The following ZNF792 variants were observed in gnomAD, a reference collection of about 807,000 sequenced individuals.
ZNF792 encodes the protein zinc finger protein 792.
A neutral mutation model predicts 13.1 loss-of-function variants in ZNF792; 14 were observed. That is an observed-to-expected ratio of 1.07 (90% CI 0.71 to 1.67). The LOEUF is 1.67. Ranked by LOEUF, ZNF792 falls within the 40% of genes most tolerant of loss-of-function variation. The pLI is 0.00. For synonymous variants in ZNF792, 257 were observed against 292.0 expected (o/e 0.88, Z 1.22); for missense variants, 740 against 807.9 (o/e 0.92, Z 1.02).
At position 34,958,261 on chromosome 19, in the gene ZNF792, G is replaced by A. The variant is rs768051045; in HGVS notation, c.1594C>T (p.Arg532Trp). The A allele has an allele frequency of 7.1e-5, 115 of 1,612,448 alleles. No homozygotes were observed. Among genetic ancestry groups the A allele is most frequent in the East Asian group, 2.2e-4 (10 of 44,760 alleles). Residue 532 changes from arginine (R) to tryptophan (W), a missense_variant, in exon 4 of 4, where the codon CGG becomes TGG. By Grantham distance (101) the Arg-to-Trp change is moderately radical. Transcript: ENST00000404801. ...CCACATTCGCTGCACTCATAAGGCCGCTCGCCGGTGTGAAGTCTCCGGTGG... is the reference window on the plus strand; with the variant it reads ...CCACATTCGCTGCACTCATAAGGCCACTCGCCGGTGTGAAGTCTCCGGTGG... ...NNHRRLHTGERPYECSECGKT... is the reference protein window; with the variant it reads ...NNHRRLHTGEWPYECSECGKT...
intron 1 of ZNF792, among the ~76,000 whole-genome samples, chr19:34,962,046 C>T (rs1180773420): frequency 2.0e-5 from 3 of 152,214 alleles, no homozygotes; most frequent in African/African-American, 7.2e-5. Flanking sequence ...CTGTTCCTCA[C>T]CTGTCTTTAT....
intron 1 of ZNF792, among the ~76,000 whole-genome samples, chr19:34,963,177 C>T (rs2013552429): frequency 6.6e-6 from 1 of 152,124 alleles, no homozygotes; most frequent in South Asian, 2.1e-4. Context: ...CAGCATCTTC[C>T]TCCTCTGCCC....
Position 34,963,979 on chromosome 19 carries a change from T to C in ZNF792, c.-317A>G, listed in dbSNP as rs980180710. ...GGTCCGGGAAAGCCGGCGGGGCAGC[T>C]TCACGGGCGTAGCCCCAGCCGCCCC... On this transcript the variant is annotated 5_prime_UTR_variant, in exon 1 of 4. Coordinates refer to ENST00000404801, the MANE Select transcript of ZNF792 (RefSeq NM_175872.5). 1 of 344,908 alleles carries C rather than the reference T, an allele frequency of 2.9e-6. No individual in the cohort carries two copies. The highest frequency in any genetic ancestry group is 5.3e-6 in the Non-Finnish European group (1 of 190,302). 21.4% of individuals were successfully genotyped at this position (344,908 alleles called of 1,614,324 possible). A position where few individuals can be genotyped will look rare whatever the true frequency, so the allele number is the denominator to read the frequency against.
At position 34,958,606 on chromosome 19, in the gene ZNF792, T is replaced by C. The variant is rs778015098; in HGVS notation, c.1249A>G (p.Thr417Ala). The C allele has an allele frequency of 3.1e-6, 5 of 1,611,846 alleles. No individual in the cohort carries two copies. Among genetic ancestry groups the C allele is most frequent in the African/African-American group, 1.3e-5 (1 of 74,974 alleles). Residue 417 changes from threonine (T) to alanine (A), a missense_variant, in exon 4 of 4, where the codon ACT becomes GCT. By Grantham distance (58) the Thr-to-Ala change is moderately conservative. Transcript: ENST00000404801. ...TTACACTTGTAAGGTCTTTCTCCAG[T>C]GTGAACTCTCCAATGTTTAATTAGG... ...SSLIKHWRVH[T>A]GERPYKCNEC...
chr19:34,960,850 T>C lies in ZNF792; in HGVS notation c.160+18A>G. The C allele has an allele frequency of 1.9e-6, 3 of 1,613,746 alleles. No homozygotes were observed. The highest frequency in any genetic ancestry group is 2.5e-6 in the Non-Finnish European group (3 of 1,179,838). On this transcript the variant is annotated intron_variant, in intron 2 of 3. Coordinates refer to ENST00000404801, the MANE Select transcript of ZNF792 (RefSeq NM_175872.5). ...CAGAGAGGAGCTCGGGACACCGGGGTAGGGGTGACAGCCTTACCCAGCGAG... is the reference window on the plus strand; with the variant it reads ...CAGAGAGGAGCTCGGGACACCGGGGCAGGGGTGACAGCCTTACCCAGCGAG...
rs1452102243 is a variant in ZNF792, at chr19:34,959,531, C to T, written c.324G>A (p.Glu108=). 6.4e-7 allele frequency: 1 copy of T among 1,569,164 alleles called. No homozygotes were observed. The highest frequency in any genetic ancestry group is 1.2e-5 in the South Asian group (1 of 84,120). Residue 108 remains glutamate, a synonymous_variant, in exon 4 of 4, where the codon GAG becomes GAA. Coordinates refer to ENST00000404801, the MANE Select transcript of ZNF792 (RefSeq NM_175872.5). ...CCACTCCTTCTACAGAAACGTTATG[C>T]TCAGAAGGTAAGTCCTTGCCCTCTG... ...HGTEGKDLPS[E]HNVSVEGVAQ... is the part of the protein sequence containing the mutation.
chr19:34,963,578 G>C (rs146078646), intron 1 of ZNF792, 52 bp downstream of exon 1: 18,651 of 1,584,202 alleles, frequency 0.012, 173 homozygotes, highest in South Asian at 0.028. Flanking sequence ...TCAACACCGA[G>C]AACAGAAGCG....
chr19:34,956,741 T>C lies in ZNF792; in HGVS notation c.*1215A>G, dbSNP rs1034480065. The C allele has an allele frequency of 1.3e-5, 2 of 152,240 alleles. No individual in the cohort carries two copies. Among genetic ancestry groups the C allele is most frequent in the African/African-American group, 4.8e-5 (2 of 41,458 alleles). 9.4% of individuals were successfully genotyped at this position (152,240 alleles called of 1,614,324 possible). A position where few individuals can be genotyped will look rare whatever the true frequency, so the allele number is the denominator to read the frequency against. ...AAAGAATGGCTGGCTACGTCATAGA[T>C]ACTACAGTCCCTATAGTATAGGATC... On this transcript the variant is annotated 3_prime_UTR_variant, in exon 4 of 4. Transcript: ENST00000404801.
chr19:34,956,750 C>G lies in ZNF792; in HGVS notation c.*1206G>C, dbSNP rs1161761673. On this transcript the variant is annotated 3_prime_UTR_variant, in exon 4 of 4. Coordinates refer to ENST00000404801, the MANE Select transcript of ZNF792 (RefSeq NM_175872.5). ...CTGGCTACGTCATAGATACTACAGT[C>G]CCTATAGTATAGGATCTGCTTTTTC... The G allele has an allele frequency of 1.3e-5, 2 of 152,216 alleles. No homozygotes were observed. The highest frequency in any genetic ancestry group is 4.8e-5 in the African/African-American group (2 of 41,444). 9.4% of individuals were successfully genotyped at this position (152,216 alleles called of 1,614,324 possible).
In ZNF792 at chr19:34,958,159, C is replaced by G. The variant is rs536055842; in HGVS notation, c.1696G>C (p.Glu566Gln). 32 of 1,611,778 alleles carry G rather than the reference C, an allele frequency of 2.0e-5. No individual in the cohort carries two copies. The highest frequency in any genetic ancestry group is 1.3e-5 in the African/African-American group (1 of 74,860). Residue 566 changes from glutamate (E) to glutamine (Q), a missense_variant, in exon 4 of 4, where the codon GAA becomes CAA. By Grantham distance (29) the Glu-to-Gln change is conservative. Coordinates refer to ENST00000404801, the MANE Select transcript of ZNF792 (RefSeq NM_175872.5). ...CTTTGGTTGAAGGCTTTCCCACATT[C>G]GCTGCATTCGTAAGGCCTGTCTGGT... ...HKPDRPYECS[E>Q]CGKAFNQRPT...
At chr19:34,959,621 A>G (rs747457452) in intron 3 of ZNF792, 50 bp from the exon 4 acceptor site, 1 of 1,504,660 alleles carries the variant, frequency 6.6e-7, no homozygotes, top group Non-Finnish European at 8.9e-7. Flanking sequence ...TAATAGAAGG[A>G]AAGAGCCCCA....
At chr19:34,963,372 G>A (rs542030582) in intron 1 of ZNF792, among the ~76,000 whole-genome samples, 1 of 151,738 alleles carries the variant, frequency 6.6e-6, no homozygotes, top group Non-Finnish European at 1.5e-5. Context: ...CCAAGCTTTT[G>A]CGCACGCTGG....
At position 34,958,773 on chromosome 19, in the gene ZNF792, G is replaced by T. The variant is rs1001211933; in HGVS notation, c.1082C>A (p.Thr361Asn). 5 of 1,613,940 alleles carry T rather than the reference G, an allele frequency of 3.1e-6. No individual in the cohort carries two copies. The highest frequency in any genetic ancestry group is 4.5e-5 in the East Asian group (2 of 44,890). ...SNLIQHKRVHTGEKPYECSDC... is the reference protein window; with the variant it reads ...SNLIQHKRVHNGEKPYECSDC... ...GCTGCACTCATATGGCTTTTCACCA[G>T]TGTGAACCCTCTTATGCTGAATGAG... Residue 361 changes from threonine (T) to asparagine (N), a missense_variant, in exon 4 of 4, where the codon ACT (threonine) becomes AAT (asparagine). Transcript: ENST00000404801.
At position 34,959,082 on chromosome 19, in the gene ZNF792, T is replaced by A; in HGVS notation, c.773A>T (p.Glu258Val). 1 of 1,614,172 alleles carries A rather than the reference T, an allele frequency of 6.2e-7. No homozygotes were observed. The highest frequency in any genetic ancestry group is 1.1e-5 in the South Asian group (1 of 91,090). Residue 258 changes from glutamate (E) to valine (V), a missense_variant, in exon 4 of 4, where the codon GAA becomes GTA. Glu to Val is a moderately radical substitution (Grantham distance 121). Coordinates refer to ENST00000404801, the MANE Select transcript of ZNF792 (RefSeq NM_175872.5). ...HIALRHNKCC[E>V]SGDAFNNKST... ...TTTGTTATTGAAGGCATCCCCAGAT[T>A]CACAGCACTTGTTATGCCTTAGTGC...
At chr19:34,961,770 G>A (rs1184645749) in intron 1 of ZNF792, among the ~76,000 whole-genome samples, 1 of 151,784 alleles carries the variant, frequency 6.6e-6, no homozygotes, top group Non-Finnish European at 1.5e-5. Flanking sequence ...ACCCACCTAA[G>A]CCCAGCAACT....
At position 34,963,663 on chromosome 19, in the gene ZNF792, C is replaced by T. The variant is rs753090157; in HGVS notation, c.-1G>A. 1.9e-6 allele frequency: 3 copies of T among 1,601,948 alleles called. No individual in the cohort carries two copies. Among genetic ancestry groups the T allele is most frequent in the Admixed American group, 1.7e-5 (1 of 58,010 alleles). On this transcript the variant is annotated 5_prime_UTR_variant, in exon 1 of 4. Coordinates refer to ENST00000404801, the MANE Select transcript of ZNF792 (RefSeq NM_175872.5). ...GGTCCCGCAGCGCCGCCGCTGCCAT[C>T]GGAGTCTGTGGTCAGAGCAGGGCCC...
rs534709372 is a variant in ZNF792 at position 34,964,223 on chromosome 19, C to A, written c.-561G>T. 1.1e-4 allele frequency among the ~76,000 whole-genome samples: 16 copies of A among 152,240 alleles called. No homozygotes were observed. Among genetic ancestry groups the A allele is most frequent in the Non-Finnish European group, 2.4e-4 (16 of 68,002 alleles). ...CTCTCGTCAGGCTGAGGGTCCAGGG[C>A]GGGAAGGAGAGCGGATCTCGTCGGG... On this transcript the variant is annotated 5_prime_UTR_variant, in exon 1 of 4. Coordinates refer to ENST00000404801, the MANE Select transcript of ZNF792 (RefSeq NM_175872.5).
chr19:34,962,985 G>A (rs534392888), intron 1 of ZNF792, among the ~76,000 whole-genome samples: 2 of 152,222 alleles, frequency 1.3e-5, no homozygotes, highest in African/African-American at 4.8e-5. Context: ...TGGTCAGCTT[G>A]ACTTAAAAGA....
chr19:34,961,550 G>A (rs561781120), intron 1 of ZNF792, among the ~76,000 whole-genome samples: 3 of 152,210 alleles, frequency 2.0e-5, no homozygotes, highest in Non-Finnish European at 4.4e-5. Flanking sequence ...CCACTGCCAA[G>A]GGCAACACCC....
Sources: gnomAD v4.1 joint callset for allele counts (sites outside exome capture counted in the v4.1 genomes callset) on GRCh38, gnomAD v4.1.1 for gene constraint, MANE v1.5 for transcripts, NCBI Gene and HGNC (gene_info 2026-07-23, HGNC 2026-07-21) for gene names.